KCNC2: variants seen among roughly 807,000 people sequenced by gnomAD.
KCNC2 encodes potassium voltage-gated channel subfamily C member 2.
A neutral mutation model predicts 44.5 loss-of-function variants in KCNC2; 21 were observed. That is an observed-to-expected ratio of 0.47 (90% CI 0.33 to 0.68). The LOEUF is 0.68. KCNC2 is among the 30% of genes least tolerant of loss of function. KCNC2 has a pLI of 0.01. For synonymous variants in KCNC2, 391 were observed against 339.1 expected, an observed-to-expected ratio of 1.15 and a Z score of -1.68; for missense variants, 589 against 826.2, an observed-to-expected ratio of 0.71 and a Z score of 3.52.
intron 2 of KCNC2, among the ~76,000 whole-genome samples, chr12:75,146,522 T>A (rs1890040274): frequency 6.6e-6 from 1 of 152,220 alleles, no homozygotes; most frequent in African/African-American, 2.4e-5. Flanking sequence ...AGTATATGTG[T>A]AAACCACACT....
chr12:75,181,916 CTTTTTTTTTTTTTTTTTTTTTTTTTTT>C (rs61089425), intron 2 of KCNC2, among the ~76,000 whole-genome samples: 3 of 47,840 alleles, frequency 6.3e-5, no homozygotes, highest in Non-Finnish European at 7.9e-5. Context: ...TAATATCTTC[CTTTTTTTTTTTTTTTTTTTTTTTTTTT>C]TTTTTTTTTT....
intron 2 of KCNC2, among the ~76,000 whole-genome samples, chr12:75,151,979 ATT>A (rs1890433776): frequency 6.8e-6 from 1 of 146,190 alleles, no homozygotes; most frequent in South Asian, 2.1e-4. Context: ...ACATTTATAT[ATT>A]ATATATTATA....
chr12:75,095,906 G>T (rs937917357), intron 2 of KCNC2, among the ~76,000 whole-genome samples: 8 of 151,720 alleles, frequency 5.3e-5, no homozygotes, highest in East Asian at 1.9e-4. Flanking sequence ...ATGTGGACAG[G>T]TACTTTATAT....
chr12:75,051,018 C>T lies in KCNC2; in HGVS notation c.987G>A (p.Glu329=), dbSNP rs1461506153. The change falls in exon 3 of 5, where the codon GAG becomes GAA. Residue 329 remains glutamate, a synonymous_variant. Coordinates refer to ENST00000549446, the MANE Select transcript of KCNC2 (RefSeq NM_139137.4). ...TGGATGACAGCCCACTGAGTCCCAC[C>T]TCTAAGTAGAAAGGTAGGATGGCCA... The part of the protein sequence containing the change: ...DFVAILPFYL[E]VGLSGLSSKA... 6.2e-7 allele frequency: 1 copy of T among 1,613,832 alleles called. No homozygotes were observed. Among genetic ancestry groups the T allele is most frequent in the East Asian group, 2.2e-5 (1 of 44,856 alleles).
At chr12:75,189,798 A>T (rs1007002587) in intron 2 of KCNC2, among the ~76,000 whole-genome samples, 12 of 152,202 alleles carry the variant, frequency 7.9e-5, no homozygotes, top group African/African-American at 2.7e-4. Flanking sequence ...ATTACAGTCA[A>T]AGCAGCAATA....
chr12:75,144,620 T>G (rs952359585), intron 2 of KCNC2, among the ~76,000 whole-genome samples: 3 of 146,480 alleles, frequency 2.0e-5, no homozygotes, highest in East Asian at 2.0e-4. Flanking sequence ...GGGTGTACTT[T>G]TGTGTGTGTG....
intron 2 of KCNC2, among the ~76,000 whole-genome samples, chr12:75,182,561 CAGAA>C (rs1892677658): frequency 7.3e-6 from 1 of 136,566 alleles, no homozygotes; most frequent in Non-Finnish European, 1.6e-5. Flanking sequence ...AAAAAACAAA[CAGAA>C]AGCACTGACT....
intron 2 of KCNC2, among the ~76,000 whole-genome samples, chr12:75,090,348 C>G (rs962701746): frequency 6.6e-6 from 1 of 151,596 alleles, no homozygotes; most frequent in Non-Finnish European, 1.5e-5. Context: ...TTTTAATAGG[C>G]CATTATGCCC....
At chr12:75,053,405 G>A (rs956930545) in intron 2 of KCNC2, among the ~76,000 whole-genome samples, 7 of 151,952 alleles carry the variant, frequency 4.6e-5, no homozygotes, top group Non-Finnish European at 2.9e-5. Flanking sequence ...GTGTGTTTGT[G>A]TGTATTTTGA....
chr12:75,208,115 A>G, intron 1 of KCNC2, 113 bp from the exon 2 acceptor site: 1 of 1,289,238 alleles, frequency 7.8e-7, no homozygotes, highest in South Asian at 1.3e-5. Context: ...GCAGACAGGC[A>G]CGGGGCAAAG....
At chr12:75,144,010 A>G (rs1158986794) in intron 2 of KCNC2, among the ~76,000 whole-genome samples, 1 of 152,170 alleles carries the variant, frequency 6.6e-6, no homozygotes. Context: ...ACCTAGGAAA[A>G]CATCACCATT....
intron 2 of KCNC2, among the ~76,000 whole-genome samples, chr12:75,164,954 T>C (rs536157230): frequency 6.6e-6 from 1 of 151,796 alleles, no homozygotes; most frequent in South Asian, 2.1e-4. Flanking sequence ...CACCAACCTA[T>C]GCCAGTTATA....
chr12:75,185,177 T>G (rs1376031539), intron 2 of KCNC2, among the ~76,000 whole-genome samples: 2 of 152,198 alleles, frequency 1.3e-5, no homozygotes, highest in Non-Finnish European at 1.5e-5. Context: ...ACATACTATA[T>G]TTAATTAGGT....
chr12:75,099,379 T>C (rs1886191075), intron 2 of KCNC2, among the ~76,000 whole-genome samples: 2 of 152,272 alleles, frequency 1.3e-5, no homozygotes, highest in South Asian at 4.1e-4. Context: ...GTTCTGTCTA[T>C]GAAAGGCCCA....
At chr12:75,148,601 G>A (rs1042084949) in intron 2 of KCNC2, among the ~76,000 whole-genome samples, 1 of 151,962 alleles carries the variant, frequency 6.6e-6, no homozygotes, top group African/African-American at 2.4e-5. Context: ...ATTAAAAGAA[G>A]ATATATGCTG....
At chr12:75,203,817 T>C (rs2031482147) in intron 2 of KCNC2, among the ~76,000 whole-genome samples, 3 of 151,908 alleles carry the variant, frequency 2.0e-5, no homozygotes, top group Admixed American at 6.6e-5. Flanking sequence ...AACAGATTCT[T>C]CAAAATTGTC....
intron 2 of KCNC2, among the ~76,000 whole-genome samples, chr12:75,155,844 C>A (rs1430429826): frequency 6.6e-6 from 1 of 151,688 alleles, no homozygotes. Flanking sequence ...GTTTGTCTCA[C>A]AATAAGGCTT....
chr12:75,202,276 G>C (rs556885595), intron 2 of KCNC2, among the ~76,000 whole-genome samples: 1 of 151,722 alleles, frequency 6.6e-6, no homozygotes, highest in East Asian at 1.9e-4. Context: ...CCATAAATCA[G>C]GCCACCTCAT....
intron 2 of KCNC2, among the ~76,000 whole-genome samples, chr12:75,177,032 T>TTATATATATATATATATATATATATA (rs3073537): frequency 2.1e-5 from 3 of 139,910 alleles, no homozygotes; most frequent in Admixed American, 7.2e-5. Flanking sequence ...GCTGCAAGTT[T>TTATATATATATATATATATATATATA]TATATATATA....
Sources: gnomAD v4.1 joint callset for allele counts (sites outside exome capture counted in the v4.1 genomes callset) on GRCh38, gnomAD v4.1.1 for gene constraint, MANE v1.5 for transcripts, NCBI Gene and HGNC (gene_info 2026-07-23, HGNC 2026-07-21) for gene names.